RAP1GDS1: variants seen among roughly 807,000 people sequenced by gnomAD.
RAP1GDS1 encodes RAP1, GTP-GDP dissociation stimulator 1.
Under a neutral mutation model 71.1 loss-of-function variants are expected in RAP1GDS1, and 35 were observed. That is an observed-to-expected ratio of 0.49 (90% CI 0.38 to 0.65). The LOEUF is 0.65. Among genes scored for constraint, RAP1GDS1 ranks in the 30% least tolerant of loss-of-function variants. RAP1GDS1 has a pLI of 0.00. For missense variants in RAP1GDS1, 663 were observed against 706.1 expected, an observed-to-expected ratio of 0.94 and a Z score of 0.69; for synonymous variants, 229 against 243.1, an observed-to-expected ratio of 0.94 and a Z score of 0.54.
At chr4:98,393,945 CATT>C (rs1744125953) in intron 6 of RAP1GDS1, among the ~76,000 whole-genome samples, 1 of 152,066 alleles carries the variant, frequency 6.6e-6, no homozygotes, top group South Asian at 2.1e-4. Context: ...TTTTTGCTCT[CATT>C]ATATTTCTGT....
chr4:98,393,017 G>GC (rs1200360785), intron 6 of RAP1GDS1, among the ~76,000 whole-genome samples: 3 of 151,818 alleles, frequency 2.0e-5, no homozygotes, highest in Middle Eastern at 3.2e-3. Flanking sequence ...TCTTCCCCAC[G>GC]CCCCCACCTT....
At chr4:98,274,993 A>G (rs965262065) in intron 1 of RAP1GDS1, among the ~76,000 whole-genome samples, 5 of 151,412 alleles carry the variant, frequency 3.3e-5, no homozygotes, top group Non-Finnish European at 7.4e-5. Flanking sequence ...TAAATGAGAT[A>G]CCCGGAAGCT....
intron 7 of RAP1GDS1, chr4:98,409,792 G>A (rs1475322478): frequency 5.3e-6 from 2 of 377,828 alleles, no homozygotes; most frequent in South Asian, 2.3e-5. Context: ...AAGGCTTCTA[G>A]ACTATTAAAA....
chr4:98,347,038 G>T (rs1220395499), intron 3 of RAP1GDS1, among the ~76,000 whole-genome samples: 2 of 152,138 alleles, frequency 1.3e-5, no homozygotes, highest in African/African-American at 4.8e-5. Context: ...ACATGAATAT[G>T]TTATGATTTA....
chr4:98,396,814 TAA>T (rs1245260808), intron 6 of RAP1GDS1: 2 of 152,216 alleles, frequency 1.3e-5, no homozygotes, highest in Non-Finnish European at 2.9e-5. Context: ...ATCAAGTGTT[TAA>T]AATTCATGTC....
At position 98,366,615 on chromosome 4, in the gene RAP1GDS1, G is replaced by T. The variant is rs184166625; in HGVS notation, c.362-12402G>T. ...GACCCCTACAGGCTTGAATGGCTTT[G>T]CCCAAAATGCTGATAGTGATATGGA... On this transcript the variant is annotated intron_variant, in intron 4 of 14. Coordinates refer to ENST00000408927, the MANE Select transcript of RAP1GDS1 (RefSeq NM_001100427.2). 9.1e-3 allele frequency among the ~76,000 whole-genome samples: 1,383 copies of T among 152,272 alleles called. 22 individuals are homozygous for T. The highest frequency in any genetic ancestry group is 0.032 in the African/African-American group (1,313 of 41,550).
intron 2 of RAP1GDS1, among the ~76,000 whole-genome samples, chr4:98,311,514 T>G (rs1334520644): frequency 6.6e-6 from 1 of 152,202 alleles, no homozygotes; most frequent in Non-Finnish European, 1.5e-5. Flanking sequence ...TACATACCTA[T>G]GAAGGTCCCA....
intron 1 of RAP1GDS1, among the ~76,000 whole-genome samples, chr4:98,286,441 AT>A (rs1726028585): frequency 6.6e-6 from 1 of 152,068 alleles, no homozygotes. Flanking sequence ...GTGAAATAAA[AT>A]TTTACAAATT....
intron 7 of RAP1GDS1, among the ~76,000 whole-genome samples, chr4:98,412,898 T>G (rs1440139289): frequency 6.6e-6 from 1 of 151,876 alleles, no homozygotes; most frequent in Non-Finnish European, 1.5e-5. Context: ...TACAGGGCAA[T>G]AAAGATCACA....
intron 4 of RAP1GDS1, among the ~76,000 whole-genome samples, chr4:98,361,555 G>C (rs1290882945): frequency 6.6e-6 from 1 of 151,990 alleles, no homozygotes; most frequent in Admixed American, 6.6e-5. Flanking sequence ...TTAGATAAAG[G>C]GTTTTTGAAA....
At chr4:98,302,048 A>T (rs1728651651) in intron 2 of RAP1GDS1, among the ~76,000 whole-genome samples, 1 of 152,208 alleles carries the variant, frequency 6.6e-6, no homozygotes, top group Non-Finnish European at 1.5e-5. Context: ...ATAAAAAATT[A>T]TACACTGAAT....
At chr4:98,370,626 C>T (rs1304101327) in intron 4 of RAP1GDS1, among the ~76,000 whole-genome samples, 5 of 150,748 alleles carry the variant, frequency 3.3e-5, no homozygotes, top group Admixed American at 6.6e-5. Flanking sequence ...TGCAGTGGCG[C>T]GATCTCTGCT....
At chr4:98,291,998 G>A (rs1045557659) in intron 1 of RAP1GDS1, among the ~76,000 whole-genome samples, 3 of 152,076 alleles carry the variant, frequency 2.0e-5, no homozygotes, top group Non-Finnish European at 2.9e-5. Flanking sequence ...TTCCAACTAC[G>A]TATATATTGA....
chr4:98,313,598 C>T (rs1730566394), intron 2 of RAP1GDS1, among the ~76,000 whole-genome samples: 2 of 152,256 alleles, frequency 1.3e-5, no homozygotes, highest in Middle Eastern at 3.4e-3. Context: ...AATCCCAGCA[C>T]TTTGGGAGGC....
At chr4:98,432,592 G>T (rs1027481226) in intron 12 of RAP1GDS1, among the ~76,000 whole-genome samples, 1 of 152,008 alleles carries the variant, frequency 6.6e-6, no homozygotes, top group African/African-American at 2.4e-5. Flanking sequence ...TGGGCTCAAA[G>T]CAAAGATACT....
chr4:98,276,631 C>G (rs1298106672), intron 1 of RAP1GDS1, among the ~76,000 whole-genome samples: 1 of 151,888 alleles, frequency 6.6e-6, no homozygotes, highest in Non-Finnish European at 1.5e-5. Context: ...ATACATTTCT[C>G]TGCTATAACA....
chr4:98,393,365 T>C (rs879570239), intron 6 of RAP1GDS1, among the ~76,000 whole-genome samples: 60 of 152,226 alleles, frequency 3.9e-4, no homozygotes. Flanking sequence ...ATCTGCTTTT[T>C]CTTTTTTATA....
chr4:98,343,129 T>A lies in RAP1GDS1; in HGVS notation c.113-10T>A. 1 of 1,600,882 alleles carries A rather than the reference T, an allele frequency of 6.2e-7. No individual in the cohort carries two copies. Among genetic ancestry groups the A allele is most frequent in the Non-Finnish European group, 8.5e-7 (1 of 1,172,704 alleles). On this transcript the variant is annotated splice_polypyrimidine_tract_variant and intron_variant, in intron 2 of 14. Coordinates refer to ENST00000408927, the MANE Select transcript of RAP1GDS1 (RefSeq NM_001100427.2). Reference sequence around the variant, plus strand: ...TTTTCACTGAAGCTCTTTGTATGTATCTCTTTTAGATACGGAAACAAGTGA... The same window carrying A: ...TTTTCACTGAAGCTCTTTGTATGTAACTCTTTTAGATACGGAAACAAGTGA...
chr4:98,333,037 TACC>T (rs1734215977), intron 2 of RAP1GDS1, among the ~76,000 whole-genome samples: 1 of 152,166 alleles, frequency 6.6e-6, no homozygotes, highest in African/African-American at 2.4e-5. Flanking sequence ...GTTGAAAATT[TACC>T]ACAAGATTCT....
Sources: gnomAD v4.1 joint callset for allele counts (sites outside exome capture counted in the v4.1 genomes callset) on GRCh38, gnomAD v4.1.1 for gene constraint, MANE v1.5 for transcripts, NCBI Gene and HGNC (gene_info 2026-07-23, HGNC 2026-07-21) for gene names.